The following UTRN variants were observed in gnomAD, a reference collection of about 807,000 sequenced individuals.
UTRN encodes the protein utrophin.
In UTRN, 283 loss-of-function variants were observed where a neutral mutation model predicts 463.9. That is an observed-to-expected ratio of 0.61 (90% confidence interval 0.55 to 0.67). The LOEUF is 0.67. Ranked by LOEUF, UTRN falls within the 30% of genes least tolerant of loss-of-function variation. The pLI is 0.00. For missense variants in UTRN, 3,922 were observed against 4,084.3 expected (o/e 0.96, Z 1.08); for synonymous variants, 1,442 against 1,431.5 (o/e 1.01, Z -0.17).
intron 2 of UTRN, among the ~76,000 whole-genome samples, chr6:144,337,194 C>CCACA (rs772582196): frequency 0.055 from 6,955 of 126,710 alleles, 174 homozygotes; most frequent in African/African-American, 0.094. Flanking sequence ...CACACACACA[C>CCACA]CACACACACA....
intron 50 of UTRN, among the ~76,000 whole-genome samples, chr6:144,576,225 A>G (rs1352508765): frequency 6.6e-6 from 1 of 152,148 alleles, no homozygotes; most frequent in African/African-American, 2.4e-5. Flanking sequence ...TTTGTGTACA[A>G]GTTTTTCTGT....
intron 18 of UTRN, among the ~76,000 whole-genome samples, 193 bp downstream of exon 18, chr6:144,451,686 CG>C (rs1356684121): frequency 3.0e-5 from 4 of 132,842 alleles, no homozygotes; most frequent in African/African-American, 3.5e-5. Context: ...ATTTGGAGGA[CG>C]TTTTTTTTTT....
chr6:144,794,140 C>A, intron 63 of UTRN, 149 bp downstream of exon 63: 1 of 1,142,418 alleles, frequency 8.8e-7, no homozygotes, highest in Non-Finnish European at 1.2e-6. Flanking sequence ...TTTCCTAAGG[C>A]TCATTTGCTT....
intron 60 of UTRN, among the ~76,000 whole-genome samples, chr6:144,779,277 T>C (rs1287815354): frequency 6.6e-6 from 1 of 152,212 alleles, no homozygotes; most frequent in Non-Finnish European, 1.5e-5. Flanking sequence ...TGTAGTTCCC[T>C]AGCTACTGCC....
chr6:144,714,457 C>T (rs1294549195), intron 53 of UTRN, among the ~76,000 whole-genome samples: 5 of 152,178 alleles, frequency 3.3e-5, no homozygotes, highest in African/African-American at 4.8e-5. Flanking sequence ...TATAATTCAG[C>T]TACCCTGCAT....
At chr6:144,756,876 T>C (rs1010374963) in intron 57 of UTRN, among the ~76,000 whole-genome samples, 3 of 152,124 alleles carry the variant, frequency 2.0e-5, no homozygotes, top group Admixed American at 2.0e-4. Flanking sequence ...TTATTTTATC[T>C]CTACACATTT....
At chr6:144,758,032 T>G (rs1209184413) in intron 58 of UTRN, 43 bp downstream of exon 58, 5 of 1,540,290 alleles carry the variant, frequency 3.2e-6, no homozygotes, top group African/African-American at 1.4e-5. Flanking sequence ...AAGAAAATCA[T>G]GTTTTATTGA....
chr6:144,301,291 A>G (rs900599744), intron 2 of UTRN, among the ~76,000 whole-genome samples: 10 of 152,210 alleles, frequency 6.6e-5, no homozygotes, highest in East Asian at 1.9e-4. Flanking sequence ...GACTTGAATT[A>G]TTTGAACTTG....
chr6:144,531,904 G>T (rs1443469903), intron 42 of UTRN, among the ~76,000 whole-genome samples: 2 of 152,292 alleles, frequency 1.3e-5, no homozygotes, highest in East Asian at 3.9e-4. Flanking sequence ...TTGGGAGGCT[G>T]AGGTGGGCGG....
chr6:144,839,820 T>A (rs899699171), intron 72 of UTRN, among the ~76,000 whole-genome samples: 6 of 152,196 alleles, frequency 3.9e-5, no homozygotes, highest in Non-Finnish European at 7.3e-5. Flanking sequence ...CTCAGTAAAC[T>A]AGGTGTTAAC....
At chr6:144,657,119 G>A (rs189229553) in intron 51 of UTRN, among the ~76,000 whole-genome samples, 13 of 152,112 alleles carry the variant, frequency 8.5e-5, no homozygotes, top group Non-Finnish European at 1.3e-4. Flanking sequence ...GCGTGGTGGC[G>A]CATGCCTCTA....
Position 144,655,558 on chromosome 6 carries a change from G to A in UTRN, c.7480-22848G>A, listed in dbSNP as rs992713897. Among the ~76,000 whole-genome samples the A allele has an allele frequency of 1.8e-4, 28 of 152,172 alleles. 1 individual carries two copies. The highest frequency in any genetic ancestry group is 4.4e-5 in the Non-Finnish European group (3 of 68,034). On this transcript the variant is annotated intron_variant, in intron 51 of 74. Coordinates refer to ENST00000367545, the MANE Select transcript of UTRN (RefSeq NM_007124.3). ...ATTTTAGTAATGAATAAGCCATGAT[G>A]TAGCGATTTATGTGTAATCACCTAT...
At chr6:144,440,077 A>G (rs377668762) in intron 12 of UTRN, among the ~76,000 whole-genome samples, 1 of 152,226 alleles carries the variant, frequency 6.6e-6, no homozygotes, top group African/African-American at 2.4e-5. Flanking sequence ...CCTTTATGCT[A>G]TAAATTCTGA....
chr6:144,683,410 AT>A (rs146304477), intron 52 of UTRN, among the ~76,000 whole-genome samples: 4,953 of 152,058 alleles, frequency 0.033, 123 homozygotes, highest in Non-Finnish European at 0.05. Flanking sequence ...TAGTGAGAAA[AT>A]CCCTCCCCAA....
At chr6:144,590,307 G>A (rs989087808) in intron 51 of UTRN, among the ~76,000 whole-genome samples, 2 of 152,104 alleles carry the variant, frequency 1.3e-5, no homozygotes, top group East Asian at 3.9e-4. Context: ...GATGGATTGG[G>A]TCATTTCCAT....
At position 144,382,229 on chromosome 6, in the gene UTRN, G is replaced by A. The variant is rs58244219; in HGVS notation, c.80-20894G>A. Among the ~76,000 whole-genome samples, 1,499 of 152,328 alleles carry A rather than the reference G, an allele frequency of 9.8e-3. 25 individuals carry two copies. Among genetic ancestry groups the A allele is most frequent in the African/African-American group, 0.034 (1,433 of 41,564 alleles). ...AACAGAGGGCATACTTTAAAATGTA[G>A]GTTCTGTGAAGGCAGTTGTGCAGGC... On this transcript the variant is annotated intron_variant, in intron 2 of 74. Transcript: ENST00000367545.
At chr6:144,650,569 C>T (rs1300052455) in intron 51 of UTRN, among the ~76,000 whole-genome samples, 1 of 152,174 alleles carries the variant, frequency 6.6e-6, no homozygotes, top group African/African-American at 2.4e-5. Context: ...TTAGGAATGG[C>T]TTCACTGATG....
chr6:144,328,527 A>C (rs1339823328), intron 2 of UTRN, among the ~76,000 whole-genome samples: 1 of 152,026 alleles, frequency 6.6e-6, no homozygotes, highest in African/African-American at 2.4e-5. Context: ...AAACCAAGGA[A>C]ATAAATATCT....
intron 2 of UTRN, among the ~76,000 whole-genome samples, chr6:144,377,359 T>G (rs1020115034): frequency 6.6e-6 from 1 of 152,202 alleles, no homozygotes; most frequent in African/African-American, 2.4e-5. Flanking sequence ...CATTTCTTTC[T>G]GTGTGCAGGA....
Sources: allele counts gnomAD v4.1 joint callset (sites outside exome capture counted in the v4.1 genomes callset), GRCh38; gene constraint gnomAD v4.1.1; transcripts MANE v1.5; gene names NCBI Gene and HGNC (gene_info 2026-07-23, HGNC 2026-07-21).